The following PGCKA1 variants were observed in gnomAD, a reference collection of about 807,000 sequenced individuals.
PGCKA1 encodes PDCD10 and GCKIII kinases associated 1.
At chr4:37,477,491 C>A in the PGCKA1 span, among the ~76,000 whole-genome samples, 1 of 152,068 alleles carries the variant, frequency 6.6e-6, no homozygotes, top group African/African-American at 2.4e-5. Context: ...GGTGGCACAA[C>A]TCTGAATATG....
chr4:37,573,639 G>T, the PGCKA1 span, among the ~76,000 whole-genome samples: 1 of 152,102 alleles, frequency 6.6e-6, no homozygotes, highest in East Asian at 1.9e-4. Context: ...TGGCTGCAGG[G>T]TATTCTGTTG....
chr4:37,455,723 C>A, the PGCKA1 span, among the ~76,000 whole-genome samples: 3 of 152,198 alleles, frequency 2.0e-5, no homozygotes, highest in African/African-American at 7.2e-5. Context: ...CTTGACGTCC[C>A]ACCCAGACCC....
chr4:37,503,284 C>A, the PGCKA1 span, among the ~76,000 whole-genome samples: 2 of 152,176 alleles, frequency 1.3e-5, no homozygotes, highest in Non-Finnish European at 2.9e-5. Context: ...TTACCCTGGG[C>A]AGAACTCTCA....
the PGCKA1 span, among the ~76,000 whole-genome samples, chr4:37,468,104 G>A: frequency 7.9e-5 from 12 of 152,150 alleles, no homozygotes; most frequent in African/African-American, 1.4e-4. Flanking sequence ...CCGAACTTCC[G>A]GAAGGAAATG....
At chr4:37,510,103 C>T in the PGCKA1 span, among the ~76,000 whole-genome samples, 1 of 152,256 alleles carries the variant, frequency 6.6e-6, no homozygotes, top group South Asian at 2.1e-4. Context: ...TGATAGAATT[C>T]TGAATTCCTT....
At chr4:37,520,454 G>C in the PGCKA1 span, among the ~76,000 whole-genome samples, 2 of 151,952 alleles carry the variant, frequency 1.3e-5, no homozygotes, top group South Asian at 2.1e-4. Context: ...GTTCTGTTCA[G>C]GTTTTGGATT....
chr4:37,538,654 G>A, the PGCKA1 span, among the ~76,000 whole-genome samples: 1 of 152,308 alleles, frequency 6.6e-6, no homozygotes, highest in African/African-American at 2.4e-5. Flanking sequence ...GACTTTCCTT[G>A]CACTTTCCCT....
the PGCKA1 span, among the ~76,000 whole-genome samples, chr4:37,560,442 G>A: frequency 6.6e-6 from 1 of 152,164 alleles, no homozygotes; most frequent in Non-Finnish European, 1.5e-5. Flanking sequence ...CCTTTACCTG[G>A]ATTGCCGGGC....
the PGCKA1 span, among the ~76,000 whole-genome samples, chr4:37,552,295 G>T: frequency 6.6e-6 from 1 of 152,182 alleles, no homozygotes; most frequent in African/African-American, 2.4e-5. Flanking sequence ...AATCAATCAC[G>T]ACCCTTTCAT....
the PGCKA1 span, among the ~76,000 whole-genome samples, chr4:37,589,392 G>A: frequency 3.9e-5 from 6 of 152,120 alleles, no homozygotes; most frequent in Non-Finnish European, 8.8e-5. Flanking sequence ...ATACTGTGAT[G>A]TTTGGCTTTA....
the PGCKA1 span, chr4:37,588,873 G>T: frequency 1.2e-6 from 2 of 1,613,380 alleles, no homozygotes; most frequent in South Asian, 1.1e-5. Context: ...TCCAGATGGG[G>T]TGCAGGTGCT....
At chr4:37,469,032 C>T in the PGCKA1 span, among the ~76,000 whole-genome samples, 18 of 151,982 alleles carry the variant, frequency 1.2e-4, no homozygotes, top group African/African-American at 3.1e-4. Context: ...ATTATAATAC[C>T]GTATTTTTAC....
chr4:37,461,079 A>T, the PGCKA1 span: 3 of 200,940 alleles, frequency 1.5e-5, no homozygotes, highest in South Asian at 1.4e-4. Context: ...CCAGCACCAC[A>T]TATTAAATAG....
At chr4:37,542,011 C>T in the PGCKA1 span, among the ~76,000 whole-genome samples, 2 of 152,286 alleles carry the variant, frequency 1.3e-5, no homozygotes, top group East Asian at 1.9e-4. Flanking sequence ...ATAACCTCCA[C>T]CTGGCAACCT....
chr4:37,580,630 G>A, the PGCKA1 span, among the ~76,000 whole-genome samples: 3 of 152,210 alleles, frequency 2.0e-5, no homozygotes, highest in African/African-American at 7.2e-5. Context: ...TCTGTACTGA[G>A]CCACCTGAAG....
the PGCKA1 span, among the ~76,000 whole-genome samples, chr4:37,476,015 A>T: frequency 1.3e-5 from 2 of 150,556 alleles, no homozygotes; most frequent in Non-Finnish European, 3.0e-5. Flanking sequence ...TATTTAAAAT[A>T]ATTATTATTT....
chr4:37,578,068 A>G, the PGCKA1 span, among the ~76,000 whole-genome samples: 1 of 152,144 alleles, frequency 6.6e-6, no homozygotes, highest in Non-Finnish European at 1.5e-5. Context: ...GGTCCGTTTG[A>G]TCTACAGTAC....
chr4:37,513,594 A>T, the PGCKA1 span, among the ~76,000 whole-genome samples: 3 of 152,184 alleles, frequency 2.0e-5, no homozygotes, highest in Non-Finnish European at 4.4e-5. Flanking sequence ...CCATCTCCAA[A>T]TACAGCCATT....
At chr4:37,525,368 G>T in the PGCKA1 span, among the ~76,000 whole-genome samples, 1 of 152,122 alleles carries the variant, frequency 6.6e-6, no homozygotes, top group African/African-American at 2.4e-5. Flanking sequence ...AAACTAAATT[G>T]GATCAAGTGT....
Sources: gnomAD v4.1 joint callset for allele counts (sites outside exome capture counted in the v4.1 genomes callset) on GRCh38, gnomAD v4.1.1 for gene constraint, MANE v1.5 for transcripts, NCBI Gene and HGNC (gene_info 2026-07-23, HGNC 2026-07-21) for gene names.